CNTN6: variants seen among roughly 807,000 people sequenced by gnomAD.
CNTN6 encodes contactin-6.
Under a neutral mutation model 122.8 loss-of-function variants are expected in CNTN6, and 137 were observed. The ratio of observed to expected loss-of-function variants is 1.12; its 90% CI spans 0.97 to 1.29. CNTN6 has a LOEUF of 1.29. CNTN6 is among the 50% of genes most tolerant of loss of function. The probability of loss-of-function intolerance (pLI) is 0.00; values close to 1 mark genes in which losing one functional copy is unlikely to be tolerated. For missense variants in CNTN6, 1,634 were observed against 1,223.4 expected (o/e 1.34, Z -5.01); for synonymous variants, 570 against 426.0 (o/e 1.34, Z -4.16).
At chr3:1,217,273 T>C (rs74565584) in intron 2 of CNTN6, among the ~76,000 whole-genome samples, 2,044 of 152,198 alleles carry the variant, frequency 0.013, 40 homozygotes, top group African/African-American at 0.042. Context: ...CTGTGGTTGG[T>C]ATAGAAGGAA....
rs79068804 is a variant in CNTN6, at chr3:1,399,103, A to G, written c.2705-2330A>G. Among the ~76,000 whole-genome samples the G allele has an allele frequency of 2.0e-5, 3 of 152,274 alleles. No homozygotes were observed. In the East Asian group the frequency reaches 5.8e-4, roughly 29 times the overall value. On this transcript the variant is annotated intron_variant, in intron 20 of 22. Transcript: ENST00000446702. Reference sequence around the variant, plus strand: ...AAACAAACAAAACATCCGGAAATACATAAAACATTCAGAATCCACACTGCC... The same window carrying G: ...AAACAAACAAAACATCCGGAAATACGTAAAACATTCAGAATCCACACTGCC...
intron 20 of CNTN6, among the ~76,000 whole-genome samples, chr3:1,395,815 C>A (rs1694916910): frequency 6.6e-6 from 1 of 152,130 alleles, no homozygotes; most frequent in Admixed American, 6.6e-5. Context: ...CTTTATCATA[C>A]TAAATCTCAC....
chr3:1,307,680 G>A (rs945230240), intron 7 of CNTN6, among the ~76,000 whole-genome samples: 2 of 152,074 alleles, frequency 1.3e-5, no homozygotes, highest in African/African-American at 4.8e-5. Context: ...TCTCTTGTCT[G>A]TAGCAGAATC....
At chr3:1,177,941 C>A (rs1353123723) in intron 2 of CNTN6, among the ~76,000 whole-genome samples, 3 of 150,420 alleles carry the variant, frequency 2.0e-5, no homozygotes, top group African/African-American at 7.3e-5. Context: ...CACTCTGTCA[C>A]CTAGGCTGGA....
rs540053694 is a variant in CNTN6, at chr3:1,374,455, T to C, written c.2095+382T>C. Among the ~76,000 whole-genome samples, 4 of 152,232 alleles carry C rather than the reference T, an allele frequency of 2.6e-5. No homozygotes were observed. The East Asian group carries it at 5.8e-4, about 22-fold the overall frequency. ...GAGACTCTGTTGGTGCAGTCAGCCA[T>C]ATATTTTCATCTATTTCTCAACTCT... is the stretch of plus-strand genomic sequence containing the variant. On this transcript the variant is annotated intron_variant, in intron 16 of 22. Coordinates refer to ENST00000446702, the MANE Select transcript of CNTN6 (RefSeq NM_001289080.2).
chr3:1,157,863 A>G (rs1218578821), intron 2 of CNTN6, among the ~76,000 whole-genome samples: 2 of 152,190 alleles, frequency 1.3e-5, no homozygotes, highest in East Asian at 1.9e-4. Context: ...TCCATTTTGC[A>G]TACGCACCAC....
chr3:1,106,878 CAAT>C (rs915447844), intron 1 of CNTN6, among the ~76,000 whole-genome samples: 1 of 151,862 alleles, frequency 6.6e-6, no homozygotes, highest in Non-Finnish European at 1.5e-5. Flanking sequence ...TCATTTTGGT[CAAT>C]AATAATAATA....
At chr3:1,235,309 T>C (rs2094407208) in intron 4 of CNTN6, among the ~76,000 whole-genome samples, 1 of 152,164 alleles carries the variant, frequency 6.6e-6, no homozygotes, top group South Asian at 2.1e-4. Context: ...TTATTACTCA[T>C]GTTATTTGAC....
At chr3:1,152,419 A>G (rs1445648312) in intron 2 of CNTN6, among the ~76,000 whole-genome samples, 1 of 152,122 alleles carries the variant, frequency 6.6e-6, no homozygotes, top group Non-Finnish European at 1.5e-5. Context: ...GATTACAGGC[A>G]TGAGACATCA....
At chr3:1,363,233 T>C (rs1208098613) in intron 12 of CNTN6, among the ~76,000 whole-genome samples, 1 of 151,996 alleles carries the variant, frequency 6.6e-6, no homozygotes, top group Non-Finnish European at 1.5e-5. Context: ...TGTGTGTGTC[T>C]CTGCGATGAG....
chr3:1,297,707 CA>C (rs1404354266), intron 6 of CNTN6, among the ~76,000 whole-genome samples, 181 bp from the exon 7 acceptor site: 3 of 149,616 alleles, frequency 2.0e-5, no homozygotes, highest in Non-Finnish European at 4.4e-5. Flanking sequence ...ATGTGGATGT[CA>C]CTAGAAAAGT....
At chr3:1,252,892 A>G (rs1030063155) in intron 4 of CNTN6, among the ~76,000 whole-genome samples, 2 of 152,186 alleles carry the variant, frequency 1.3e-5, no homozygotes, top group Non-Finnish European at 2.9e-5. Flanking sequence ...GACTCAACCC[A>G]GGGCATAAGT....
In CNTN6 at chr3:1,180,245, TAAAG is replaced by T. The variant is rs1218250381; in HGVS notation, c.55+32188_55+32191del. ...AGAGAGACAGTGAGAGAAAGATACA[TAAAG>T]AAAGAGCACAAATGTGGCAACATAT... On this transcript the variant is annotated intron_variant, in intron 2 of 22. Coordinates refer to ENST00000446702, the MANE Select transcript of CNTN6 (RefSeq NM_001289080.2). 6.6e-5 allele frequency among the ~76,000 whole-genome samples: 10 copies of T among 152,142 alleles called. No individual in the cohort carries two copies. In the East Asian group the frequency reaches 7.7e-4, roughly 12 times the overall value.
chr3:1,233,720 A>G lies in CNTN6; in HGVS notation c.358+5727A>G, dbSNP rs1286243610. ...AGTACACTCCAGTCTGGGCAACAGA[A>G]CGAGACTCTGTCTCAAAAAAAAAAA... On this transcript the variant is annotated intron_variant, in intron 4 of 22. Transcript: ENST00000446702. 1.9e-4 allele frequency among the ~76,000 whole-genome samples: 26 copies of G among 133,790 alleles called. 1 individual carries two copies. Among genetic ancestry groups the G allele is most frequent in the African/African-American group, 6.7e-4 (23 of 34,368 alleles). The allele number at this position is 133,790 out of a possible 152,430, so 87.8% of individuals were successfully genotyped here.
chr3:1,246,230 GCC>G (rs2094581997), intron 4 of CNTN6, among the ~76,000 whole-genome samples: 1 of 151,948 alleles, frequency 6.6e-6, no homozygotes, highest in African/African-American at 2.4e-5. Context: ...TCAAAGATGA[GCC>G]ATATCTTGAC....
At chr3:1,156,711 T>TC (rs745551485) in intron 2 of CNTN6, among the ~76,000 whole-genome samples, 2 of 117,432 alleles carry the variant, frequency 1.7e-5, no homozygotes, top group African/African-American at 3.0e-5. Context: ...CTTCCTTCCT[T>TC]CTTCTTTCTT....
intron 10 of CNTN6, among the ~76,000 whole-genome samples, chr3:1,328,774 C>T (rs1701876656): frequency 6.6e-6 from 1 of 151,624 alleles, no homozygotes; most frequent in Non-Finnish European, 1.5e-5. Flanking sequence ...CCCGAAAGAA[C>T]TTCAGTTCAC....
chr3:1,100,306 C>T (rs1013854072), intron 1 of CNTN6, among the ~76,000 whole-genome samples: 1 of 152,120 alleles, frequency 6.6e-6, no homozygotes, highest in African/African-American at 2.4e-5. Flanking sequence ...ATACTTTTCT[C>T]TCAACAATTT....
At chr3:1,366,527 A>G (rs962905507) in intron 12 of CNTN6, among the ~76,000 whole-genome samples, 4 of 152,124 alleles carry the variant, frequency 2.6e-5, no homozygotes, top group Admixed American at 1.3e-4. Context: ...TTTAAGGTGT[A>G]TTTGATGAGG....
Sources: allele counts gnomAD v4.1 joint callset (sites outside exome capture counted in the v4.1 genomes callset), GRCh38; gene constraint gnomAD v4.1.1; transcripts MANE v1.5; gene names NCBI Gene and HGNC (gene_info 2026-07-23, HGNC 2026-07-21).